The following SLC44A2 variants were observed in gnomAD, a reference collection of about 807,000 sequenced individuals.
SLC44A2 encodes solute carrier family 44 member 2 (CTL2 blood group), also known as choline transporter-like protein 2.
SLC44A2 carries 57 observed loss-of-function variants against 90.8 expected under a neutral mutation model. The ratio of observed to expected loss-of-function variants is 0.63; its 90% CI spans 0.51 to 0.78. The LOEUF (loss-of-function observed/expected upper bound fraction) is 0.78, where lower values mean the gene tolerates loss of function less well. Among genes scored for constraint, SLC44A2 ranks in the 30% least tolerant of loss-of-function variants. The pLI is 0.00. For synonymous variants in SLC44A2, 355 were observed against 360.7 expected (o/e 0.98, Z 0.18); for missense variants, 794 against 919.7 (o/e 0.86, Z 1.77).
At chr19:10,633,988 T>TTTTTTTTTA (rs1285330749) in intron 10 of SLC44A2, among the ~76,000 whole-genome samples, 2 of 148,182 alleles carry the variant, frequency 1.3e-5, no homozygotes, top group African/African-American at 2.5e-5. Flanking sequence ...TTTTTTTTTT[T>TTTTTTTTTA]GAGACAGAGT....
Position 10,636,333 on chromosome 19 carries a change from C to G in SLC44A2, c.1244C>G (p.Ser415Cys). 1 of 1,612,468 alleles carries G rather than the reference C, an allele frequency of 6.2e-7. No individual in the cohort carries two copies. ...AKTCNPETFP[S>C]SNESRQCPNA... ...CCTTCTCTCCCACAGACCTTCCCCTCCTCCAATGAGTCCCGCCAATGCCCC... is the reference window on the plus strand; with the variant it reads ...CCTTCTCTCCCACAGACCTTCCCCTGCTCCAATGAGTCCCGCCAATGCCCC... Residue 415 changes from serine to cysteine, a missense_variant, in exon 15 of 22, where the codon TCC becomes TGC. Physicochemically the swap from Ser to Cys is moderately radical, Grantham distance 112 (BLOSUM62 -1). Coordinates refer to ENST00000335757, the MANE Select transcript of SLC44A2 (RefSeq NM_020428.4).
At chr19:10,624,154 C>T (rs1292494767), upstream of SLC44A2, among the ~76,000 whole-genome samples, 1 of 151,914 alleles carries the variant, frequency 6.6e-6, no homozygotes, top group Non-Finnish European at 1.5e-5. Flanking sequence ...CACACCACAA[C>T]ATCCAGCTAA....
intron 4 of SLC44A2, among the ~76,000 whole-genome samples, chr19:10,629,049 A>T (rs1022855570): frequency 1.4e-4 from 21 of 151,708 alleles, no homozygotes; most frequent in Non-Finnish European, 2.8e-4. Flanking sequence ...TAAAAATACA[A>T]AAAAATTAGC....
chr19:10,625,407 C>A, upstream of SLC44A2: 2 of 1,152,194 alleles, frequency 1.7e-6, no homozygotes, highest in Non-Finnish European at 2.2e-6. Flanking sequence ...TGCGGCCGGC[C>A]GGTGAGTGGC....
upstream of SLC44A2, among the ~76,000 whole-genome samples, chr19:10,624,172 ATT>A (rs1358343215): frequency 2.0e-5 from 3 of 146,952 alleles, no homozygotes; most frequent in African/African-American, 7.7e-5. Flanking sequence ...TAATTTTTGT[ATT>A]TTTAGTACAG....
At position 10,625,562 on chromosome 19, in the gene SLC44A2, C is replaced by T. The variant is rs1045742664; in HGVS notation, c.-72C>T. The T allele has an allele frequency of 1.6e-6, 2 of 1,233,480 alleles. No individual in the cohort carries two copies. Among genetic ancestry groups the T allele is most frequent in the Non-Finnish European group, 2.0e-6 (2 of 987,222 alleles). The allele number at this position is 1,233,480 out of a possible 1,614,324, so 76.4% of individuals were successfully genotyped here. On this transcript the variant is annotated 5_prime_UTR_variant, in exon 1 of 22. Transcript: ENST00000335757. The stretch of plus-strand genomic sequence containing the variant: ...CGCCAGTCGCGCGGTCAGTGCCTCC[C>T]TCCAGACTCGGGAGGGTCGAGGGGG...
chr19:10,615,459 C>T (rs1026360199), intron 1 of SLC44A2, among the ~76,000 whole-genome samples: 13 of 151,216 alleles, frequency 8.6e-5, no homozygotes, highest in African/African-American at 2.7e-4. Flanking sequence ...CTGAAGTCCC[C>T]GCTACTCGGG....
chr19:10,625,446 T>C, upstream of SLC44A2: 1 of 1,212,528 alleles, frequency 8.2e-7, no homozygotes, highest in Non-Finnish European at 1.0e-6. Context: ...GCCCGCGCCC[T>C]CCCGGGTCCC....
Position 10,635,041 on chromosome 19 carries a change from C to T in SLC44A2, c.1023C>T (p.Leu341=), listed in dbSNP as rs747838625. ...LLLIFLRKRI[L]IAIALIKEAS... is the part of the protein sequence containing the mutation. ...TCATCTTTCTCCGGAAGAGAATTCT[C>T]ATCGCGATTGCACTCATCAAAGAAG... Residue 341 remains leucine, a synonymous_variant, in exon 12 of 22, where the codon CTC becomes CTT. Coordinates refer to ENST00000335757, the MANE Select transcript of SLC44A2 (RefSeq NM_020428.4). The T allele has an allele frequency of 1.9e-6, 3 of 1,614,030 alleles. No homozygotes were observed. In the East Asian group the frequency reaches 6.7e-5, roughly 36 times the overall value.
At position 10,637,728 on chromosome 19, in the gene SLC44A2, A is replaced by G; in HGVS notation, c.1676A>G (p.Asn559Ser). 1 of 1,613,936 alleles carries G rather than the reference A, an allele frequency of 6.2e-7. No homozygotes were observed. Among genetic ancestry groups the G allele is most frequent in the Non-Finnish European group, 8.5e-7 (1 of 1,179,868 alleles). The change falls in exon 17 of 22, where the codon AAT (asparagine) becomes AGT (serine). Residue 559 changes from asparagine to serine, a missense_variant. Physicochemically the swap from Asn to Ser is conservative, Grantham distance 46. Around this residue, in one of 3 missense-constraint regions of SLC44A2, gnomAD observed 738 missense variants for 841.1 expected, o/e 0.88. Transcript: ENST00000335757. ...CTGGAGAAGTTCATCAAATTCCTTA[A>G]TAGGAATGCCTACATCATGGTGAGT... ...WCLEKFIKFL[N>S]RNAYIMIAIY...
At chr19:10,610,726 G>A (rs948173074) in intron 1 of SLC44A2, among the ~76,000 whole-genome samples, 7 of 127,056 alleles carry the variant, frequency 5.5e-5, no homozygotes, top group Non-Finnish European at 1.1e-4. Context: ...TGCAACCTTT[G>A]CCTCCCGGGT....
chr19:10,602,462 G>A, upstream of SLC44A2: 9 of 1,101,994 alleles, frequency 8.2e-6, no homozygotes, highest in Non-Finnish European at 1.0e-5. Flanking sequence ...GCTGCAGCCC[G>A]CGGAGCCTCC....
intron 1 of SLC44A2, among the ~76,000 whole-genome samples, chr19:10,609,483 A>G (rs984735419): frequency 6.6e-6 from 1 of 151,804 alleles, no homozygotes; most frequent in Non-Finnish European, 1.5e-5. Context: ...TATTTTTAGT[A>G]GAGACTGGGT....
upstream of SLC44A2, among the ~76,000 whole-genome samples, chr19:10,625,045 G>C (rs576663441): frequency 5.3e-5 from 8 of 152,128 alleles, no homozygotes; most frequent in South Asian, 1.7e-3. Context: ...TAGTCAGGAG[G>C]ATGGCTTGAG....
At chr19:10,605,664 G>C (rs1448398280) in intron 1 of SLC44A2, among the ~76,000 whole-genome samples, 2 of 151,222 alleles carry the variant, frequency 1.3e-5, no homozygotes, top group African/African-American at 2.4e-5. Flanking sequence ...TCCAGCTTAG[G>C]TGACAGAGTG....
intron 10 of SLC44A2, 118 bp downstream of exon 10, chr19:10,632,274 C>A: frequency 1.2e-6 from 1 of 828,772 alleles, no homozygotes; most frequent in East Asian, 2.6e-5. Flanking sequence ...TGGTGGCTCA[C>A]GCCTGTAATC....
At chr19:10,634,703 T>G (rs2067034065) in intron 10 of SLC44A2, 53 bp from the exon 11 acceptor site, 2 of 1,610,488 alleles carry the variant, frequency 1.2e-6, no homozygotes, top group Non-Finnish European at 8.5e-7. Context: ...TGTAGCTGCT[T>G]TGCAAAGTTG....
At chr19:10,607,517 A>AT (rs61695650) in intron 1 of SLC44A2, among the ~76,000 whole-genome samples, 270 of 127,368 alleles carry the variant, frequency 2.1e-3, no homozygotes, top group African/African-American at 5.1e-3. Flanking sequence ...TACTCAACTA[A>AT]TTTTTTTTTT....
rs1485355538 is a variant in SLC44A2 at position 10,607,315 on chromosome 19, C to T, written c.31+4754C>T. On this transcript the variant is annotated intron_variant, in intron 1 of 21. Coordinates refer to the SLC44A2 transcript ENST00000407327. ...TTGAGATGAAAGTTTCCCTCTTGCT[C>T]TCCCACCCCGGACCATACTTTATTC... is the stretch of plus-strand genomic sequence containing the variant. Among the ~76,000 whole-genome samples the T allele has an allele frequency of 3.3e-5, 5 of 152,084 alleles. No homozygotes were observed. In the South Asian group the frequency reaches 6.2e-4, roughly 19 times the overall value.
Sources: gnomAD v4.1 joint callset for allele counts (sites outside exome capture counted in the v4.1 genomes callset) on GRCh38, gnomAD v4.1.1 for gene constraint, gnomAD v4.1.1 regional missense constraint, MANE v1.5 for transcripts, NCBI Gene and HGNC (gene_info 2026-07-23, HGNC 2026-07-21) for gene names.